The following TMCC1 variants were observed in gnomAD, a reference collection of about 807,000 sequenced individuals.
TMCC1 encodes transmembrane and coiled-coil domain family 1.
In TMCC1, 15 loss-of-function variants were observed where a neutral mutation model predicts 52.4. The observed-to-expected ratio is 0.29, with a 90% confidence interval of 0.19 to 0.44. The LOEUF (loss-of-function observed/expected upper bound fraction) is 0.44. Ranked by LOEUF, TMCC1 falls within the 20% of genes least tolerant of loss-of-function variation. The probability of loss-of-function intolerance (pLI) is 1.00; values close to 1 mark genes in which losing one functional copy is unlikely to be tolerated. For missense variants in TMCC1, 503 were observed against 806.0 expected, an observed-to-expected ratio of 0.62 and a Z score of 4.55; for synonymous variants, 279 against 301.9, an observed-to-expected ratio of 0.92 and a Z score of 0.79.
chr3:129,858,300 A>G (rs890043650), intron 2 of TMCC1, among the ~76,000 whole-genome samples: 1 of 152,222 alleles, frequency 6.6e-6, no homozygotes, highest in Non-Finnish European at 1.5e-5. Flanking sequence ...GCTTCAAGAC[A>G]CACGAAAAAA....
Position 129,723,401 on chromosome 3 carries a change from A to T in TMCC1, c.577-52137T>A, listed in dbSNP as rs1415839505. Among the ~76,000 whole-genome samples the T allele has an allele frequency of 1.3e-4, 17 of 126,802 alleles. No individual in the cohort carries two copies. The East Asian group carries it at 3.2e-3, about 24-fold the overall frequency. The allele number at this position is 126,802 out of a possible 152,430, so 83.2% of individuals were successfully genotyped here. ...TTTTGGCCACCTAGATCCATCAAGA[A>T]TTTTTTTTTTTTAATTTAATAAGTA... On this transcript the variant is annotated intron_variant, in intron 4 of 6. Transcript: ENST00000393238.
intron 2 of TMCC1, among the ~76,000 whole-genome samples, chr3:129,837,773 A>G (rs2059232757): frequency 6.6e-6 from 1 of 152,254 alleles, no homozygotes; most frequent in African/African-American, 2.4e-5. Context: ...TGAAAGAGGT[A>G]GACAACATAT....
chr3:129,872,547 C>T (rs892799636), intron 2 of TMCC1, among the ~76,000 whole-genome samples: 10 of 152,192 alleles, frequency 6.6e-5, no homozygotes, highest in Non-Finnish European at 1.3e-4. Context: ...GAATTTCTTT[C>T]CTTCCCATGT....
chr3:129,660,384 T>C (rs577897493), intron 5 of TMCC1, among the ~76,000 whole-genome samples: 4 of 152,228 alleles, frequency 2.6e-5, no homozygotes, highest in African/African-American at 9.6e-5. Flanking sequence ...AATTCCTGGA[T>C]TGAAGTGATC....
chr3:129,725,566 G>A (rs1319882286), intron 4 of TMCC1, among the ~76,000 whole-genome samples: 1 of 151,936 alleles, frequency 6.6e-6, no homozygotes, highest in Non-Finnish European at 1.5e-5. Flanking sequence ...AATCATTACT[G>A]GATTGTTTCA....
intron 4 of TMCC1, among the ~76,000 whole-genome samples, chr3:129,747,837 C>G (rs765658264): frequency 1.3e-5 from 2 of 152,132 alleles, no homozygotes; most frequent in Non-Finnish European, 2.9e-5. Flanking sequence ...TGATGTGTCA[C>G]CTGTCCGTAC....
chr3:129,869,678 A>G (rs1052174417), intron 2 of TMCC1, among the ~76,000 whole-genome samples: 8 of 152,234 alleles, frequency 5.3e-5, no homozygotes, highest in Admixed American at 3.3e-4. Context: ...TTCTTGGGAT[A>G]TATTTGTAAA....
At chr3:129,737,540 A>G (rs1576634483) in intron 4 of TMCC1, among the ~76,000 whole-genome samples, 1 of 151,972 alleles carries the variant, frequency 6.6e-6, no homozygotes, top group Non-Finnish European at 1.5e-5. Context: ...GTGATGATGC[A>G]GCAAGAAGGT....
At chr3:129,881,471 ACT>A (rs1195493888) in intron 1 of TMCC1, among the ~76,000 whole-genome samples, 1 of 152,118 alleles carries the variant, frequency 6.6e-6, no homozygotes, top group Admixed American at 6.6e-5. Context: ...GCAGATGTCC[ACT>A]CTCAGCAGAA....
rs1015487159 is a variant in TMCC1 at position 129,828,912 on chromosome 3, C to T, written c.-130-404G>A. Among the ~76,000 whole-genome samples the T allele has an allele frequency of 1.3e-5, 2 of 152,072 alleles. No homozygotes were observed. Among genetic ancestry groups the T allele is most frequent in the Non-Finnish European group, 2.9e-5 (2 of 68,012 alleles). Reference sequence around the variant, plus strand: ...TTACTCTAGCTGAGGCAATTTAATCCCTCTCATTCATAACCACAGTTAATT... The same window carrying T: ...TTACTCTAGCTGAGGCAATTTAATCTCTCTCATTCATAACCACAGTTAATT... On this transcript the variant is annotated intron_variant, in intron 3 of 6. Coordinates refer to ENST00000393238, the MANE Select transcript of TMCC1 (RefSeq NM_001017395.5). This position sits in a 1 kb window ranked among gnomAD's most constrained non-coding sequence, Gnocchi z 4.1.
chr3:129,655,133 ATGAATTCTG>A, intron 5 of TMCC1, 30 bp from the exon 6 acceptor site: 1 of 1,604,138 alleles, frequency 6.2e-7, no homozygotes, highest in Non-Finnish European at 8.5e-7. Context: ...TTAGAATTTT[ATGAATTCTG>A]TGAATATCTT....
At chr3:129,710,810 C>T (rs997077677) in intron 4 of TMCC1, among the ~76,000 whole-genome samples, 2 of 152,280 alleles carry the variant, frequency 1.3e-5, no homozygotes, top group Admixed American at 1.3e-4. Context: ...ATATTTGTGG[C>T]CCAAGTCTTT....
intron 4 of TMCC1, among the ~76,000 whole-genome samples, chr3:129,703,726 C>T (rs577790723): frequency 6.6e-6 from 1 of 152,170 alleles, no homozygotes; most frequent in East Asian, 1.9e-4. Flanking sequence ...AGAGCATATA[C>T]TTAAAAATAC....
intron 4 of TMCC1, among the ~76,000 whole-genome samples, chr3:129,806,310 T>A (rs926916135): frequency 6.6e-6 from 1 of 152,186 alleles, no homozygotes. Context: ...AATAAAATTA[T>A]GAAAGATGAA....
chr3:129,657,702 T>G (rs578056005), intron 5 of TMCC1, among the ~76,000 whole-genome samples: 1 of 152,024 alleles, frequency 6.6e-6, no homozygotes, highest in South Asian at 2.1e-4. Flanking sequence ...CAAAGTGGAG[T>G]TGATGGGAGA....
At chr3:129,881,972 G>A (rs2061481693) in intron 1 of TMCC1, among the ~76,000 whole-genome samples, 1 of 152,070 alleles carries the variant, frequency 6.6e-6, no homozygotes, top group Non-Finnish European at 1.5e-5. Flanking sequence ...CTGATGAAAA[G>A]TATAAACCCA....
At chr3:129,718,119 T>C (rs1576566134) in intron 4 of TMCC1, among the ~76,000 whole-genome samples, 1 of 152,192 alleles carries the variant, frequency 6.6e-6, no homozygotes, top group Non-Finnish European at 1.5e-5. Context: ...ATAAAACATA[T>C]GCAGACACTA....
chr3:129,735,296 G>T (rs1182202034), intron 4 of TMCC1, among the ~76,000 whole-genome samples: 1 of 152,108 alleles, frequency 6.6e-6, no homozygotes, highest in African/African-American at 2.4e-5. Flanking sequence ...TTTAATGAAA[G>T]AATATTCTAA....
chr3:129,740,643 C>T (rs567651822), intron 4 of TMCC1, among the ~76,000 whole-genome samples: 1 of 152,198 alleles, frequency 6.6e-6, no homozygotes, highest in African/African-American at 2.4e-5. Context: ...ACCACAGGCC[C>T]TTTATCGGTG....
Sources: allele counts gnomAD v4.1 joint callset (sites outside exome capture counted in the v4.1 genomes callset), GRCh38; gene constraint gnomAD v4.1.1; non-coding constraint Gnocchi (gnomAD v3.1); transcripts MANE v1.5; gene names NCBI Gene and HGNC (gene_info 2026-07-23, HGNC 2026-07-21).